PXDNL: variants seen among roughly 807,000 people sequenced by gnomAD.
PXDNL encodes the protein peroxidasin like.
Under a neutral mutation model 150.8 loss-of-function variants are expected in PXDNL, and 145 were observed. The ratio of observed to expected loss-of-function variants is 0.96; its 90% CI spans 0.84 to 1.10. The LOEUF (loss-of-function observed/expected upper bound fraction) is 1.10. Among genes scored for constraint, PXDNL ranks in the 50% least tolerant of loss-of-function variants. PXDNL has a pLI of 0.00. For missense variants in PXDNL, 2,087 were observed against 1,873.9 expected (o/e 1.11, Z -2.10); for synonymous variants, 757 against 725.7 (o/e 1.04, Z -0.69).
chr8:51,726,422 A>G (rs1051067285), intron 1 of PXDNL, among the ~76,000 whole-genome samples: 6 of 152,242 alleles, frequency 3.9e-5, no homozygotes, highest in Non-Finnish European at 7.3e-5. Flanking sequence ...TGAAAGGCCC[A>G]TGATGGCTGC....
chr8:51,707,099 T>G (rs967243550), intron 1 of PXDNL, among the ~76,000 whole-genome samples: 1 of 152,230 alleles, frequency 6.6e-6, no homozygotes, highest in Admixed American at 6.5e-5. Flanking sequence ...AAATAAGCTA[T>G]TTTAATAATT....
At chr8:51,391,666 A>C (rs184725725) in intron 17 of PXDNL, among the ~76,000 whole-genome samples, 85 of 152,094 alleles carry the variant, frequency 5.6e-4, no homozygotes, top group African/African-American at 1.6e-3. Flanking sequence ...AGGTTGCGAA[A>C]ATTTTCTCCC....
At chr8:51,345,676 T>C (rs1806128639) in intron 20 of PXDNL, among the ~76,000 whole-genome samples, 157 bp downstream of exon 20, 1 of 152,148 alleles carries the variant, frequency 6.6e-6, no homozygotes, top group Non-Finnish European at 1.5e-5. Flanking sequence ...CCCAAACACA[T>C]TACAGAATTC....
chr8:51,546,908 C>G (rs1310263913), intron 4 of PXDNL, among the ~76,000 whole-genome samples: 1 of 152,148 alleles, frequency 6.6e-6, no homozygotes, highest in Non-Finnish European at 1.5e-5. Flanking sequence ...CTGAATGAAG[C>G]AGCAGAGGCA....
Position 51,531,868 on chromosome 8 carries a change from T to G in PXDNL, c.380+24972A>C, listed in dbSNP as rs1192931616. Among the ~76,000 whole-genome samples, 3 of 152,190 alleles carry G rather than the reference T, an allele frequency of 2.0e-5. No homozygotes were observed. In the East Asian group the frequency reaches 5.8e-4, roughly 29 times the overall value. On this transcript the variant is annotated intron_variant, in intron 4 of 22. Coordinates refer to ENST00000356297, the MANE Select transcript of PXDNL (RefSeq NM_144651.5). ...AAGTATAGAAACAGGATTTGGCCATTGCCAAACTCCAATCATAAAGTAATG... is the reference window on the plus strand; with the variant it reads ...AAGTATAGAAACAGGATTTGGCCATGGCCAAACTCCAATCATAAAGTAATG...
chr8:51,767,268 C>T (rs2037241748), intron 1 of PXDNL, among the ~76,000 whole-genome samples: 1 of 151,834 alleles, frequency 6.6e-6, no homozygotes, highest in Non-Finnish European at 1.5e-5. Flanking sequence ...GTCTCTCCCC[C>T]TCTTTCTTCT....
chr8:51,744,928 AAAAGAAAGAAAGAAAG>A (rs1193132745), intron 1 of PXDNL, among the ~76,000 whole-genome samples: 19 of 88,276 alleles, frequency 2.2e-4, no homozygotes, highest in African/African-American at 8.8e-4. Flanking sequence ...GAAAGAAAGA[AAAAGAAAGAAAGAAAG>A]AAAGAAAGAA....
chr8:51,536,452 G>T (rs1481991500), intron 4 of PXDNL, among the ~76,000 whole-genome samples: 1 of 152,166 alleles, frequency 6.6e-6, no homozygotes, highest in African/African-American at 2.4e-5. Flanking sequence ...GGCTTTCTTG[G>T]TAAGAAAAAC....
At chr8:51,768,288 G>C (rs1363171243) in intron 1 of PXDNL, among the ~76,000 whole-genome samples, 1 of 151,022 alleles carries the variant, frequency 6.6e-6, no homozygotes, top group Non-Finnish European at 1.5e-5. Context: ...TGCTTTTGTG[G>C]AGAAGTGGAT....
At chr8:51,352,508 C>G (rs969028801) in intron 19 of PXDNL, among the ~76,000 whole-genome samples, 1 of 152,128 alleles carries the variant, frequency 6.6e-6, no homozygotes, top group Admixed American at 6.5e-5. Flanking sequence ...CCATGCTGTT[C>G]TCATGATAGT....
chr8:51,482,721 C>A (rs1483873388), intron 6 of PXDNL, among the ~76,000 whole-genome samples: 1 of 152,188 alleles, frequency 6.6e-6, no homozygotes, highest in Non-Finnish European at 1.5e-5. Flanking sequence ...TGCACAGGCT[C>A]TCTTGCCTGC....
chr8:51,720,105 T>A (rs1816698613), intron 1 of PXDNL, among the ~76,000 whole-genome samples: 1 of 151,894 alleles, frequency 6.6e-6, no homozygotes, highest in Admixed American at 6.6e-5. Flanking sequence ...CAAAGAAACC[T>A]CAGTAATAAA....
intron 1 of PXDNL, among the ~76,000 whole-genome samples, chr8:51,739,613 G>A (rs1002679997): frequency 4.1e-4 from 62 of 152,068 alleles, no homozygotes; most frequent in Admixed American, 2.9e-3. Context: ...TTCATCTCAC[G>A]CCTGTAATCC....
At chr8:51,685,351 G>A (rs1032970997) in intron 1 of PXDNL, among the ~76,000 whole-genome samples, 3 of 152,136 alleles carry the variant, frequency 2.0e-5, no homozygotes, top group Non-Finnish European at 2.9e-5. Flanking sequence ...TGTCTAACAG[G>A]CCATGCCTTC....
At chr8:51,500,820 C>G (rs1585529645) in intron 4 of PXDNL, among the ~76,000 whole-genome samples, 1 of 151,934 alleles carries the variant, frequency 6.6e-6, no homozygotes, top group Non-Finnish European at 1.5e-5. Flanking sequence ...TAATGGCAGG[C>G]AAGTAAAAAG....
At chr8:51,738,940 A>G (rs1233165430) in intron 1 of PXDNL, among the ~76,000 whole-genome samples, 1 of 151,848 alleles carries the variant, frequency 6.6e-6, no homozygotes, top group East Asian at 1.9e-4. Context: ...TACAAAAAAA[A>G]AGAAAACTAC....
rs1171092947 is a variant in PXDNL, at chr8:51,533,782, C to G, written c.380+23058G>C. On this transcript the variant is annotated intron_variant, in intron 4 of 22. Coordinates refer to ENST00000356297, the MANE Select transcript of PXDNL (RefSeq NM_144651.5). Reference sequence around the variant, plus strand: ...GATTGCAGACGGAGTCTCGTTCACTCAGTGCTCAATGGTGCCCAGGCTGGA... The same window carrying G: ...GATTGCAGACGGAGTCTCGTTCACTGAGTGCTCAATGGTGCCCAGGCTGGA... 1.3e-5 allele frequency among the ~76,000 whole-genome samples: 2 copies of G among 150,836 alleles called. 1 individual carries two copies. Among genetic ancestry groups the G allele is most frequent in the African/African-American group, 4.9e-5 (2 of 40,736 alleles).
intron 8 of PXDNL, among the ~76,000 whole-genome samples, chr8:51,464,045 A>G (rs1036116903): frequency 6.6e-6 from 1 of 151,912 alleles, no homozygotes; most frequent in Non-Finnish European, 1.5e-5. Flanking sequence ...CCTAAAATAA[A>G]CTAACCCAAA....
intron 4 of PXDNL, among the ~76,000 whole-genome samples, chr8:51,505,383 T>G (rs138224298): frequency 6.6e-6 from 1 of 152,148 alleles, no homozygotes; most frequent in Non-Finnish European, 1.5e-5. Flanking sequence ...CTGAGCCACA[T>G]AAAAACAAAT....
Sources: gnomAD v4.1 joint callset for allele counts (sites outside exome capture counted in the v4.1 genomes callset) on GRCh38, gnomAD v4.1.1 for gene constraint, MANE v1.5 for transcripts, NCBI Gene and HGNC (gene_info 2026-07-23, HGNC 2026-07-21) for gene names.